The following CEP120 variants were observed in gnomAD, a reference collection of about 807,000 sequenced individuals.
CEP120 encodes centrosomal protein 120, also known as centrosomal protein of 120 kDa.
CEP120 carries 113 observed loss-of-function variants against 126.5 expected under a neutral mutation model. The ratio of observed to expected loss-of-function variants is 0.89; its 90% CI spans 0.77 to 1.04. CEP120 has a LOEUF of 1.04. Ranked by LOEUF, CEP120 falls within the 50% of genes least tolerant of loss-of-function variation. The pLI, the probability that CEP120 is intolerant of heterozygous loss-of-function variation, is 0.00. For synonymous variants in CEP120, 400 were observed against 394.3 expected (o/e 1.01, Z -0.17); for missense variants, 1,230 against 1,155.7 (o/e 1.06, Z -0.93).
intron 5 of CEP120, 95 bp downstream of exon 5, chr5:123,399,041 A>AT: frequency 4.5e-6 from 4 of 897,860 alleles, no homozygotes; most frequent in Non-Finnish European, 6.2e-6. Flanking sequence ...AAAAAAAAAA[A>AT]GTCTACTTGC....
rs1365926848 is a variant in CEP120 at position 123,423,016 on chromosome 5, C to A, written c.-18G>T. On this transcript the variant is annotated 5_prime_UTR_variant, in exon 1 of 20. Coordinates refer to ENST00000306467, the MANE Select transcript of CEP120 (RefSeq NM_001375405.1). The stretch of plus-strand genomic sequence containing the variant: ...GAGACCATGGTTGCGGTGAGCGGTC[C>A]GGGGGCGAAGGCGGCTGGGGGGAAG... 6.2e-7 allele frequency: 1 copy of A among 1,613,258 alleles called. No homozygotes were observed. The highest frequency in any genetic ancestry group is 2.2e-5 in the East Asian group (1 of 44,850).
Position 123,409,712 on chromosome 5 carries a change from C to A in CEP120, c.463+2687G>T, listed in dbSNP as rs565056785. Among the ~76,000 whole-genome samples the A allele has an allele frequency of 2.0e-5, 3 of 152,170 alleles. No homozygotes were observed. In the South Asian group the frequency reaches 6.2e-4, roughly 32 times the overall value. ...GTGGCTCATGCCTGTAAGCCCAGCA[C>A]TTTGGGAGGCCGAGGCAGGCGGATC... On this transcript the variant is annotated intron_variant, in intron 4 of 19. Coordinates refer to ENST00000306467, the MANE Select transcript of CEP120 (RefSeq NM_001375405.1).
Position 123,350,095 on chromosome 5 carries a change from A to G in CEP120, c.2581-6T>C. 6.2e-7 allele frequency: 1 copy of G among 1,601,494 alleles called. No homozygotes were observed. Among genetic ancestry groups the G allele is most frequent in the Non-Finnish European group, 8.5e-7 (1 of 1,175,290 alleles). On this transcript the variant is annotated splice_polypyrimidine_tract_variant and splice_region_variant and intron_variant, in intron 18 of 19. Transcript: ENST00000306467. ...ATTTGACTTTCTTGCTCCCTCTTGA[A>G]AGAAACAAAGAAACAAGTCATATCC...
intron 18 of CEP120, among the ~76,000 whole-genome samples, chr5:123,351,199 C>A (rs1769175325): frequency 6.6e-6 from 1 of 152,172 alleles, no homozygotes; most frequent in Non-Finnish European, 1.5e-5. Context: ...CTCCCAGTCA[C>A]TAACCATTCA....
At chr5:123,356,645 T>C (rs1769649613) in intron 18 of CEP120, among the ~76,000 whole-genome samples, 1 of 152,118 alleles carries the variant, frequency 6.6e-6, no homozygotes, top group South Asian at 2.1e-4. Flanking sequence ...TCAATCTTGT[T>C]ACTAAATCAT....
intron 4 of CEP120, among the ~76,000 whole-genome samples, chr5:123,409,971 CAAAA>C (rs1353891467): frequency 1.5e-5 from 1 of 67,596 alleles, no homozygotes; most frequent in African/African-American, 6.5e-5. Context: ...ACAAAACAAG[CAAAA>C]AAAAAAAAAA....
rs760143575 is a variant in CEP120 at position 123,386,578 on chromosome 5, T to C, written c.1520A>G (p.Gln507Arg). ...TGCAAAATCAAATGCACAGTAAGAC[T>C]GGGGAAGAAAAACTTCCATGTTTTT... The part of the protein sequence containing the change: ...VRKNMEVFLP[Q>R]SYCAFDFATM... Residue 507 changes from glutamine to arginine, a missense_variant, in exon 10 of 20, where the codon CAG becomes CGG. Coordinates refer to ENST00000306467, the MANE Select transcript of CEP120 (RefSeq NM_001375405.1). The C allele has an allele frequency of 6.3e-7, 1 of 1,593,840 alleles. No individual in the cohort carries two copies. Among genetic ancestry groups the C allele is most frequent in the East Asian group, 2.3e-5 (1 of 43,798 alleles).
At chr5:123,361,408 T>C (rs1770070255) in intron 18 of CEP120, among the ~76,000 whole-genome samples, 1 of 151,812 alleles carries the variant, frequency 6.6e-6, no homozygotes, top group South Asian at 2.1e-4. Flanking sequence ...TAGCAGCCCA[T>C]TGTGCAAGGT....
At chr5:123,407,891 AAC>A (rs1170167923) in intron 4 of CEP120, among the ~76,000 whole-genome samples, 2 of 152,216 alleles carry the variant, frequency 1.3e-5, no homozygotes, top group Non-Finnish European at 2.9e-5. Flanking sequence ...AGAAATCAGT[AAC>A]AGAGATAGCT....
intron 18 of CEP120, among the ~76,000 whole-genome samples, chr5:123,355,633 GT>G (rs1404249304): frequency 6.6e-6 from 1 of 151,922 alleles, no homozygotes; most frequent in Admixed American, 6.6e-5. Flanking sequence ...TGATGGGGTT[GT>G]TTTTTTCTTG....
upstream of CEP120, chr5:123,423,480 C>T (rs1193375590): frequency 5.8e-6 from 1 of 173,822 alleles, no homozygotes; most frequent in East Asian, 1.6e-4. Context: ...CGCTCTGTTC[C>T]AGAGCCCTAA....
chr5:123,391,351 G>T lies in CEP120; in HGVS notation c.811-14C>A. 6.3e-7 allele frequency: 1 copy of T among 1,583,818 alleles called. No individual in the cohort carries two copies. Among genetic ancestry groups the T allele is most frequent in the Non-Finnish European group, 8.7e-7 (1 of 1,154,360 alleles). On this transcript the variant is annotated splice_polypyrimidine_tract_variant and intron_variant, in intron 6 of 19. Coordinates refer to ENST00000306467, the MANE Select transcript of CEP120 (RefSeq NM_001375405.1). ...GCAGAGGTGAATCTAATATGAAAGG[G>T]AAAAATCAAAATAGGGCTTTATACT...
At chr5:123,384,919 A>G in intron 11 of CEP120, 32 bp downstream of exon 11, 1 of 1,538,134 alleles carries the variant, frequency 6.5e-7, no homozygotes, top group Middle Eastern at 1.7e-4. Flanking sequence ...ATTGAAAAGA[A>G]AAGCAAATAC....
intron 4 of CEP120, chr5:123,401,541 C>T (rs1773241356): frequency 5.3e-6 from 7 of 1,317,522 alleles, no homozygotes; most frequent in East Asian, 2.3e-5. Flanking sequence ...GCGATCTCCT[C>T]GTACTGTGCC....
At position 123,414,971 on chromosome 5, in the gene CEP120, C is replaced by CAAAAAAAAAAAA. The variant is rs56756568; in HGVS notation, c.321+1027_321+1038dup. Among the ~76,000 whole-genome samples, 13 of 40,662 alleles carry CAAAAAAAAAAAA rather than the reference C, an allele frequency of 3.2e-4. 1 individual carries two copies. The highest frequency in any genetic ancestry group is 1.5e-3 in the African/African-American group (13 of 8,648). The allele number at this position is 40,662 out of a possible 152,430, so 26.7% of individuals were successfully genotyped here. A position where few individuals can be genotyped will look rare whatever the true frequency, so the allele number is the denominator to read the frequency against. ...TGGGCAACAGAGCAAGACTCCATCT[C>CAAAAAAAAAAAA]AAAAAAAAAAAAAAAAAAAAAAAAA... On this transcript the variant is annotated intron_variant, in intron 3 of 19. Transcript: ENST00000306467.
rs546386134 is a variant in CEP120 at position 123,402,232 on chromosome 5, A to G, written c.464-2948T>C. ...AAGCAGCTGCTGCCCACTTGGGAGA[A>G]GCTTGAGGAGCTGATGTGGGCACCG... is the stretch of plus-strand genomic sequence containing the variant. On this transcript the variant is annotated intron_variant, in intron 4 of 19. Transcript: ENST00000306467. 129 of 1,514,948 alleles carry G rather than the reference A, an allele frequency of 8.5e-5. No individual in the cohort carries two copies. The African/African-American group carries it at 1.7e-3, about 19-fold the overall frequency. 93.8% of individuals were successfully genotyped at this position (1,514,948 alleles called of 1,614,324 possible).
In CEP120 at chr5:123,345,138, AATG is replaced by A. The variant is rs1768720577; in HGVS notation, c.*1378_*1380del. 6.6e-6 allele frequency: 1 copy of A among 152,292 alleles called. No homozygotes were observed. Among genetic ancestry groups the A allele is most frequent in the South Asian group, 2.1e-4 (1 of 4,826 alleles). The allele number at this position is 152,292 out of a possible 1,614,324, so 9.4% of individuals were successfully genotyped here. On this transcript the variant is annotated 3_prime_UTR_variant, in exon 20 of 20. Coordinates refer to ENST00000306467, the MANE Select transcript of CEP120 (RefSeq NM_001375405.1). ...GTTCCATTCAAGTGGCACAAAAATC[AATG>A]AGAGAAAAATAGCTAACCATAATTA...
chr5:123,355,421 A>G (rs1224801858), intron 18 of CEP120, among the ~76,000 whole-genome samples: 5 of 152,048 alleles, frequency 3.3e-5, no homozygotes, highest in South Asian at 2.1e-4. Context: ...AAGTGTTCCT[A>G]TTTCTCCATA....
Position 123,377,496 on chromosome 5 carries a change from G to T in CEP120, c.2236C>A (p.Arg746=), listed in dbSNP as rs1253616409. Residue 746 remains arginine, a synonymous_variant, in exon 16 of 20, where the codon CGG becomes AGG. Coordinates refer to ENST00000306467, the MANE Select transcript of CEP120 (RefSeq NM_001375405.1). ...EKKELQSERQ[R]NLQELQDSIR... ...GAGTCCTGCAGTTCTTGCAGGTTCCGCTGACGTTCTGATTGCAGTTCCTTT... is the reference window on the plus strand; with the variant it reads ...GAGTCCTGCAGTTCTTGCAGGTTCCTCTGACGTTCTGATTGCAGTTCCTTT... 1 of 1,594,036 alleles carries T rather than the reference G, an allele frequency of 6.3e-7. No individual in the cohort carries two copies. Among genetic ancestry groups the T allele is most frequent in the Non-Finnish European group, 8.5e-7 (1 of 1,175,408 alleles).
Sources: allele counts gnomAD v4.1 joint callset (sites outside exome capture counted in the v4.1 genomes callset), GRCh38; gene constraint gnomAD v4.1.1; transcripts MANE v1.5; gene names NCBI Gene and HGNC (gene_info 2026-07-23, HGNC 2026-07-21).